Variants in LPA observed in about 807,000 individuals in gnomAD.
LPA encodes lipoprotein(a).
A neutral mutation model predicts 197.9 loss-of-function variants in LPA; 199 were observed. The ratio of observed to expected loss-of-function variants is 1.01; its 90% CI spans 0.90 to 1.13. The LOEUF is 1.13. LPA is among the 50% of genes most tolerant of loss of function. LPA has a pLI of 0.00. For synonymous variants in LPA, 715 were observed against 639.5 expected (o/e 1.12, Z -1.78); for missense variants, 1,853 against 1,785.8 (o/e 1.04, Z -0.68).
intron 30 of LPA, among the ~76,000 whole-genome samples, chr6:160,550,220 GA>G (rs35220367): frequency 0.79 from 109,541 of 137,946 alleles, 42,979 homozygotes; most frequent in East Asian, 0.99. Flanking sequence ...ACTCTGTCAA[GA>G]AAAAAAAAAA....
chr6:160,531,853 T>C lies in LPA; in HGVS notation c.5999A>G (p.Asp2000Gly). Residue 2000 changes from aspartate (D) to glycine (G), a missense_variant, in exon 39 of 39, where the codon GAC becomes GGC. Coordinates refer to ENST00000316300, the MANE Select transcript of LPA (RefSeq NM_005577.4). Reference protein sequence around the residue: ...SGGPLVCFEKDKYILQGVTSW... With the variant: ...SGGPLVCFEKGKYILQGVTSW... The stretch of plus-strand genomic sequence containing the variant: ...AGTGACTCCTTGTAAAATGTATTTG[T>C]CCTTCTCGAAGCAAACCAGAGGCCC... The C allele has an allele frequency of 6.2e-7, 1 of 1,614,082 alleles. No homozygotes were observed. Among genetic ancestry groups the C allele is most frequent in the Non-Finnish European group, 8.5e-7 (1 of 1,180,002 alleles).
At chr6:160,552,122 G>A (rs1158109630) in intron 30 of LPA, among the ~76,000 whole-genome samples, 1 of 152,068 alleles carries the variant, frequency 6.6e-6, no homozygotes, top group Non-Finnish European at 1.5e-5. Context: ...CTGTTGCTAA[G>A]GCTGGTCTTG....
At chr6:160,594,459 G>A (rs534710625) in intron 21 of LPA, among the ~76,000 whole-genome samples, 1 of 152,336 alleles carries the variant, frequency 6.6e-6, no homozygotes, top group South Asian at 2.1e-4. Flanking sequence ...GCATCAGGCT[G>A]TGCAGGTTGT....
intron 37 of LPA, among the ~76,000 whole-genome samples, chr6:160,533,693 C>T (rs149241450): frequency 6.6e-6 from 1 of 152,284 alleles, no homozygotes; most frequent in African/African-American, 2.4e-5. Flanking sequence ...CTTTGCCTCA[C>T]CCTTGTGATA....
intron 28 of LPA, among the ~76,000 whole-genome samples, chr6:160,559,138 C>T (rs1297218786): frequency 6.6e-6 from 1 of 152,234 alleles, no homozygotes; most frequent in Non-Finnish European, 1.5e-5. Flanking sequence ...CGGAACATTT[C>T]TGTGACCCCA....
At chr6:160,568,232 A>C (rs1778498374) in intron 28 of LPA, among the ~76,000 whole-genome samples, 1 of 152,206 alleles carries the variant, frequency 6.6e-6, no homozygotes, top group African/African-American at 2.4e-5. Flanking sequence ...TGATGCAAAA[A>C]TCCTCAATAA....
At chr6:160,589,804 C>G (rs1447851876) in intron 23 of LPA, 92 bp from the exon 24 acceptor site, 1 of 1,438,786 alleles carries the variant, frequency 7.0e-7, no homozygotes, top group African/African-American at 1.4e-5. Flanking sequence ...GACATCATCT[C>G]TGAAAATGAC....
chr6:160,547,511 A>G (rs960253954), intron 32 of LPA, among the ~76,000 whole-genome samples: 2 of 152,164 alleles, frequency 1.3e-5, no homozygotes, highest in South Asian at 4.1e-4. Context: ...TACCAGTACC[A>G]GTACCAGTAC....
In LPA at chr6:160,605,045, C is replaced by T. The variant is rs201480327; in HGVS notation, c.2945+1G>A. ...ACTTATGGTAAAGAAAATAGACATA[C>T]GCATTTGGGTAGTATGCTGGGGTCC... On this transcript the variant is annotated splice_donor_variant, in intron 18 of 38. Transcript: ENST00000316300. LOFTEE classifies it high-confidence loss of function. The T allele has an allele frequency of 4.8e-5, 78 of 1,613,586 alleles. No individual in the cohort carries two copies. Among genetic ancestry groups the T allele is most frequent in the African/African-American group, 3.3e-4 (25 of 75,006 alleles).
At chr6:160,570,933 G>T (rs958005030) in intron 28 of LPA, among the ~76,000 whole-genome samples, 1 of 152,270 alleles carries the variant, frequency 6.6e-6, no homozygotes, top group African/African-American at 2.4e-5. Context: ...CTAGGTTGGG[G>T]AAGTTCTCCT....
chr6:160,650,413 G>A lies in LPA; in HGVS notation c.134C>T (p.Thr45Ile), dbSNP rs778426779. The A allele has an allele frequency of 8.1e-6, 13 of 1,613,888 alleles. No individual in the cohort carries two copies. Among genetic ancestry groups the A allele is most frequent in the Non-Finnish European group, 1.0e-5 (12 of 1,179,800 alleles). The change falls in exon 2 of 39, where the codon ACA becomes ATA. Residue 45 changes from threonine (T) to isoleucine (I), a missense_variant. By Grantham distance (89) the Thr-to-Ile change is moderately conservative (BLOSUM62 -1). Coordinates refer to ENST00000316300, the MANE Select transcript of LPA (RefSeq NM_005577.4). ...SYRGTYSTTVTGRTCQAWSSM... is the reference protein window; with the variant it reads ...SYRGTYSTTVIGRTCQAWSSM... Reference sequence around the variant, plus strand: ...TGACCAAGCTTGGCAGGTCCTTCCTGTGACAGTGGTGGAGTACGTGCCTCG... The same window carrying A: ...TGACCAAGCTTGGCAGGTCCTTCCTATGACAGTGGTGGAGTACGTGCCTCG...
At chr6:160,555,951 G>C in intron 30 of LPA, 74 bp downstream of exon 30, 1 of 1,194,930 alleles carries the variant, frequency 8.4e-7, no homozygotes, top group East Asian at 2.3e-5. Context: ...TAACAAGTTA[G>C]CTTGAAGCAA....
At chr6:160,542,126 C>T (rs1355496520) in intron 34 of LPA, among the ~76,000 whole-genome samples, 2 of 152,174 alleles carry the variant, frequency 1.3e-5, no homozygotes, top group African/African-American at 2.4e-5. Context: ...TCCACTGAAA[C>T]GATACCCAAA....
At chr6:160,592,795 G>A (rs780653962) in intron 22 of LPA, among the ~76,000 whole-genome samples, 10 of 152,210 alleles carry the variant, frequency 6.6e-5, no homozygotes, top group South Asian at 2.1e-4. Flanking sequence ...CTAGGAATCC[G>A]AAGATCCTAC....
chr6:160,576,320 ATGTGTG>A lies in LPA; in HGVS notation c.4631+810_4631+815del, dbSNP rs530223802. ...GCCCAGTGTGTTTATACCTGTATGT[ATGTGTG>A]TGTGTGTGTGTGTGTATATATATAT... is the stretch of plus-strand genomic sequence containing the variant. On this transcript the variant is annotated intron_variant, in intron 28 of 38. Coordinates refer to ENST00000316300, the MANE Select transcript of LPA (RefSeq NM_005577.4). 1.9e-3 allele frequency among the ~76,000 whole-genome samples: 114 copies of A among 59,066 alleles called. 2 individuals are homozygous for A. Among genetic ancestry groups the A allele is most frequent in the Admixed American group, 4.2e-3 (22 of 5,284 alleles). 38.7% of individuals were successfully genotyped at this position (59,066 alleles called of 152,430 possible). A position where few individuals can be genotyped will look rare whatever the true frequency, so the allele number is the denominator to read the frequency against.
At chr6:160,582,754 A>T (rs987466299) in intron 26 of LPA, among the ~76,000 whole-genome samples, 2 of 152,136 alleles carry the variant, frequency 1.3e-5, no homozygotes, top group Non-Finnish European at 2.9e-5. Flanking sequence ...TTAGAAAGTC[A>T]TCAGCCATCA....
At chr6:160,663,330 T>C (rs1425038409) in intron 1 of LPA, among the ~76,000 whole-genome samples, 1 of 152,254 alleles carries the variant, frequency 6.6e-6, no homozygotes, top group Non-Finnish European at 1.5e-5. Context: ...GATTTTTTCT[T>C]GGAAATCTGG....
intron 38 of LPA, 73 bp from the exon 39 acceptor site, chr6:160,531,963 C>T (rs1777814192): frequency 6.6e-7 from 1 of 1,512,474 alleles, no homozygotes; most frequent in South Asian, 1.1e-5. Context: ...CCATCCTTCT[C>T]TTATCCATAT....
At chr6:160,569,129 C>T (rs1239250755) in intron 28 of LPA, among the ~76,000 whole-genome samples, 1 of 152,178 alleles carries the variant, frequency 6.6e-6, no homozygotes, top group African/African-American at 2.4e-5. Flanking sequence ...TTGGAAAAAA[C>T]TACTTTAAAG....
Sources: gnomAD v4.1 joint callset for allele counts (sites outside exome capture counted in the v4.1 genomes callset) on GRCh38, gnomAD v4.1.1 for gene constraint, MANE v1.5 for transcripts, NCBI Gene and HGNC (gene_info 2026-07-23, HGNC 2026-07-21) for gene names.